Variants in ETS1 observed in about 807,000 individuals in gnomAD.
ETS1 encodes protein C-ets-1.
In ETS1, 15 loss-of-function variants were observed where a neutral mutation model predicts 58.6. That is an observed-to-expected ratio of 0.26 (90% CI 0.17 to 0.39). The LOEUF is 0.39. Among genes scored for constraint, ETS1 ranks in the 10% least tolerant of loss-of-function variants. The pLI, the probability that ETS1 is intolerant of heterozygous loss-of-function variation, is 1.00. For missense variants in ETS1, 417 were observed against 610.5 expected (o/e 0.68, Z 3.34); for synonymous variants, 214 against 218.2 (o/e 0.98, Z 0.17).
chr11:128,585,914 G>A (rs1245175602), intron 1 of ETS1, among the ~76,000 whole-genome samples: 1 of 152,068 alleles, frequency 6.6e-6, no homozygotes, highest in Non-Finnish European at 1.5e-5. Context: ...CTCCATTATC[G>A]TCCGGGACCG....
intron 2 of ETS1, among the ~76,000 whole-genome samples, chr11:128,559,597 G>A (rs765855063): frequency 1.2e-4 from 18 of 152,176 alleles, no homozygotes; most frequent in Admixed American, 9.8e-4. Flanking sequence ...AGGCAATAAT[G>A]TACAAAAACT....
chr11:128,490,679 G>A lies in ETS1; in HGVS notation c.215-103C>T, dbSNP rs1356772835. 7.3e-6 allele frequency: 6 copies of A among 819,012 alleles called. No individual in the cohort carries two copies. The East Asian group carries it at 1.3e-4, about 18-fold the overall frequency. 50.7% of individuals were successfully genotyped at this position (819,012 alleles called of 1,614,324 possible). A position where few individuals can be genotyped will look rare whatever the true frequency, so the allele number is the denominator to read the frequency against. On this transcript the variant is annotated intron_variant, in intron 3 of 9. Coordinates refer to ENST00000392668, the MANE Select transcript of ETS1 (RefSeq NM_001143820.2). ...TAAGAAGGCAAGCTGAGAAACAACT[G>A]TGCTAGCATCCTCACCAGAGCACCA...
At chr11:128,553,589 A>T (rs1484371746) in intron 3 of ETS1, among the ~76,000 whole-genome samples, 1 of 151,882 alleles carries the variant, frequency 6.6e-6, no homozygotes, top group East Asian at 1.9e-4. Flanking sequence ...TTCCCGACAG[A>T]CCTTGGCGCT....
chr11:128,467,632 C>T lies in ETS1; in HGVS notation c.1124-4005G>A, dbSNP rs11221319. ...GACCTTTGTCCCCTAGAGCAGAAAA[C>T]GGTACTAATAATAGCGCCAGTCATG... On this transcript the variant is annotated intron_variant, in intron 8 of 9. Coordinates refer to ENST00000392668, the MANE Select transcript of ETS1 (RefSeq NM_001143820.2). 7.4e-3 allele frequency among the ~76,000 whole-genome samples: 1,131 copies of T among 152,158 alleles called. 10 individuals carry two copies. The highest frequency in any genetic ancestry group is 0.026 in the African/African-American group (1,071 of 41,500).
chr11:128,520,835 A>G (rs966062664), intron 3 of ETS1, among the ~76,000 whole-genome samples: 11 of 152,242 alleles, frequency 7.2e-5, no homozygotes, highest in Non-Finnish European at 7.3e-5. Flanking sequence ...GGGTTAAAGT[A>G]AGCAATAAAT....
chr11:128,546,342 C>CT (rs1257547870), intron 3 of ETS1, among the ~76,000 whole-genome samples: 10 of 152,206 alleles, frequency 6.6e-5, no homozygotes, highest in African/African-American at 2.4e-4. Context: ...CTGAAAGAGT[C>CT]TGTAGCATCC....
chr11:128,521,257 C>A lies in ETS1; in HGVS notation c.215-30681G>T, dbSNP rs536109434. Reference sequence around the variant, plus strand: ...TGGGTGTTTGATGCTTTCCTTCCAACGGACCTTTGGTACCAGAAGAAAAAT... The same window carrying A: ...TGGGTGTTTGATGCTTTCCTTCCAAAGGACCTTTGGTACCAGAAGAAAAAT... On this transcript the variant is annotated intron_variant, in intron 3 of 9. Coordinates refer to ENST00000392668, the MANE Select transcript of ETS1 (RefSeq NM_001143820.2). Among the ~76,000 whole-genome samples the A allele has an allele frequency of 5.3e-5, 8 of 152,274 alleles. No homozygotes were observed. In the South Asian group the frequency reaches 1.0e-3, roughly 20 times the overall value.
At chr11:128,576,688 GCTCC>G (rs1864756623) in intron 1 of ETS1, among the ~76,000 whole-genome samples, 1 of 151,346 alleles carries the variant, frequency 6.6e-6, no homozygotes, top group South Asian at 2.1e-4. Flanking sequence ...GCCCCCCCAT[GCTCC>G]CTCCCACCTC....
Position 128,485,086 on chromosome 11 carries a change from T to G in ETS1, c.614-15A>C. The stretch of plus-strand genomic sequence containing the variant: ...AATACCATAGCCTGGAAACAAAGGG[T>G]TTGCAAGTAAAGAGAGGAGAGATTT... On this transcript the variant is annotated splice_polypyrimidine_tract_variant and intron_variant, in intron 6 of 9. Transcript: ENST00000392668. 6.2e-7 allele frequency: 1 copy of G among 1,604,728 alleles called. No homozygotes were observed. Among genetic ancestry groups the G allele is most frequent in the East Asian group, 2.2e-5 (1 of 44,648 alleles).
chr11:128,479,868 CCA>C (rs2135440077), intron 8 of ETS1, among the ~76,000 whole-genome samples: 1 of 152,024 alleles, frequency 6.6e-6, no homozygotes, highest in East Asian at 1.9e-4. Context: ...TGATGCCAGG[CCA>C]CTAGATAGAG....
chr11:128,568,218 C>T (rs1410659074), intron 2 of ETS1, among the ~76,000 whole-genome samples: 1 of 152,142 alleles, frequency 6.6e-6, no homozygotes, highest in African/African-American at 2.4e-5. Flanking sequence ...GGTCACTAGT[C>T]CCCCAGGAAC....
At chr11:128,473,459 C>T (rs1305358553) in intron 8 of ETS1, among the ~76,000 whole-genome samples, 1 of 152,202 alleles carries the variant, frequency 6.6e-6, no homozygotes, top group African/African-American at 2.4e-5. Context: ...ATTATTACTG[C>T]CATTTGCAGA....
intron 3 of ETS1, among the ~76,000 whole-genome samples, chr11:128,491,617 G>A (rs1393271643): frequency 6.6e-6 from 1 of 152,218 alleles, no homozygotes; most frequent in Admixed American, 6.5e-5. Flanking sequence ...TTTGTTTTAA[G>A]ATCACCTTAT....
chr11:128,476,490 T>A (rs1009493644), intron 8 of ETS1, among the ~76,000 whole-genome samples: 1 of 152,256 alleles, frequency 6.6e-6, no homozygotes, highest in Non-Finnish European at 1.5e-5. Flanking sequence ...TGCAATTACA[T>A]ACATGGCCTT....
intron 1 of ETS1, among the ~76,000 whole-genome samples, chr11:128,585,168 GAGAAAGAAAGAAAGAAAGAAGGAAGGAAA>G (rs1864990671): frequency 1.2e-4 from 1 of 8,368 alleles, no homozygotes. Flanking sequence ...AAGAAAGAAA[GAGAAAGAAAGAAAGAAAGAAGGAAGGAAA>G]GAAAGAAAGA....
chr11:128,490,629 A>C (rs1283302427), intron 3 of ETS1, 53 bp from the exon 4 acceptor site: 17 of 1,423,314 alleles, frequency 1.2e-5, no homozygotes, highest in Non-Finnish European at 1.6e-5. Flanking sequence ...TAATGAACCA[A>C]TCATAAAACA....
intron 3 of ETS1, among the ~76,000 whole-genome samples, chr11:128,528,751 C>T (rs898042359): frequency 4.2e-4 from 64 of 152,142 alleles, no homozygotes; most frequent in Middle Eastern, 3.4e-3. Context: ...TCAAATTTGC[C>T]CAAAGTTTAA....
intron 3 of ETS1, among the ~76,000 whole-genome samples, chr11:128,511,300 A>G (rs1030445979): frequency 6.6e-6 from 1 of 152,170 alleles, no homozygotes; most frequent in Non-Finnish European, 1.5e-5. Flanking sequence ...TTATTTTCAA[A>G]TCTCTTTAGA....
chr11:128,531,189 GT>G (rs1863892018), intron 3 of ETS1, among the ~76,000 whole-genome samples: 1 of 152,182 alleles, frequency 6.6e-6, no homozygotes, highest in Non-Finnish European at 1.5e-5. Flanking sequence ...ATAGACGAGA[GT>G]TTGAATTTTA....
Sources: allele counts gnomAD v4.1 joint callset (sites outside exome capture counted in the v4.1 genomes callset), GRCh38; gene constraint gnomAD v4.1.1; transcripts MANE v1.5; gene names NCBI Gene and HGNC (gene_info 2026-07-23, HGNC 2026-07-21).